ZNF746: variants seen among roughly 807,000 people sequenced by gnomAD.
ZNF746 encodes zinc finger protein 746.
A neutral mutation model predicts 41.0 loss-of-function variants in ZNF746; 13 were observed. The ratio of observed to expected loss-of-function variants is 0.32; its 90% CI spans 0.21 to 0.50. ZNF746 has a LOEUF of 0.50. Among genes scored for constraint, ZNF746 ranks in the 20% least tolerant of loss-of-function variants. The pLI, the probability that ZNF746 is intolerant of heterozygous loss-of-function variation, is 0.98. For missense variants in ZNF746, 811 were observed against 922.9 expected, an observed-to-expected ratio of 0.88 and a Z score of 1.57; for synonymous variants, 424 against 396.2, an observed-to-expected ratio of 1.07 and a Z score of -0.83.
chr7:149,492,165 C>G (rs1800828017), intron 4 of ZNF746, among the ~76,000 whole-genome samples: 1 of 152,130 alleles, frequency 6.6e-6, no homozygotes. Flanking sequence ...ACTATGCAGG[C>G]CCACTTATAA....
intron 4 of ZNF746, among the ~76,000 whole-genome samples, chr7:149,478,349 G>A (rs540396283): frequency 6.6e-6 from 1 of 152,314 alleles, no homozygotes; most frequent in South Asian, 2.1e-4. Flanking sequence ...CTGTGAGATG[G>A]GGACTAGGAA....
chr7:149,496,776 C>A, intron 1 of ZNF746: 1 of 982,452 alleles, frequency 1.0e-6, no homozygotes, highest in South Asian at 4.7e-5. Flanking sequence ...CGGAGCCCAC[C>A]GCAAGCTTCC....
rs1168324307 is a variant in ZNF746 at position 149,497,634 on chromosome 7, G to A, written c.-98C>T. On this transcript the variant is annotated 5_prime_UTR_variant, in exon 1 of 7. Coordinates refer to ENST00000458143, the MANE Select transcript of ZNF746 (RefSeq NM_001394198.1). The surrounding 1 kb of genome is among the most constrained non-coding windows in gnomAD (Gnocchi z 4.2). ...GGCCGCCCGGTGCTCTCCGCAGGCG[G>A]CGCCTGCCTGGCCTTTCCTCTGCCG... 3.2e-6 allele frequency: 3 copies of A among 927,722 alleles called. No homozygotes were observed. Among genetic ancestry groups the A allele is most frequent in the Non-Finnish European group, 3.9e-6 (3 of 772,272 alleles). The allele number at this position is 927,722 out of a possible 1,614,324, so 57.5% of individuals were successfully genotyped here. A position where few individuals can be genotyped will look rare whatever the true frequency, so the allele number is the denominator to read the frequency against.
chr7:149,494,278 C>G lies in ZNF746; in HGVS notation c.250G>C (p.Val84Leu). ...TTCCTGTTGCGCAGCAGGTTCTCCA[C>G]GTTCTCCAGCCGCCTCTGCAGCAGC... Reference protein sequence around the residue: ...YGLLQRRLENVENLLRNRNFW... With the variant: ...YGLLQRRLENLENLLRNRNFW... Residue 84 changes from valine to leucine, a missense_variant, in exon 2 of 7, where the codon GTG becomes CTG. By Grantham distance (32) the Val-to-Leu change is conservative. Coordinates refer to ENST00000458143, the MANE Select transcript of ZNF746 (RefSeq NM_001394198.1). This position sits in a 1 kb window ranked among gnomAD's most constrained non-coding sequence, Gnocchi z 5.6. 1 of 1,614,114 alleles carries G rather than the reference C, an allele frequency of 6.2e-7. No individual in the cohort carries two copies. The highest frequency in any genetic ancestry group is 1.3e-5 in the African/African-American group (1 of 75,046).
chr7:149,484,246 G>T (rs1293561021), intron 4 of ZNF746, among the ~76,000 whole-genome samples: 1 of 152,068 alleles, frequency 6.6e-6, no homozygotes, highest in Non-Finnish European at 1.5e-5. Context: ...TCTGAGAAAA[G>T]AAAATTACAA....
At chr7:149,496,048 G>C (rs1349769126) in intron 1 of ZNF746, among the ~76,000 whole-genome samples, 1 of 152,090 alleles carries the variant, frequency 6.6e-6, no homozygotes, top group Non-Finnish European at 1.5e-5. Flanking sequence ...TCCCTGTCAC[G>C]TGATCCCAGA....
At chr7:149,490,994 AG>A (rs1452656424) in intron 4 of ZNF746, 2 of 152,488 alleles carry the variant, frequency 1.3e-5, no homozygotes, top group African/African-American at 4.8e-5. Context: ...CAGTCCGAGC[AG>A]GGAACACTCA....
At chr7:149,483,310 T>C (rs571738460) in intron 4 of ZNF746, among the ~76,000 whole-genome samples, 80 of 152,274 alleles carry the variant, frequency 5.3e-4, no homozygotes, top group Middle Eastern at 3.4e-3. Context: ...TGTATGTTTA[T>C]ATTAAAAAAG....
At chr7:149,483,145 A>T (rs1800529193) in intron 4 of ZNF746, among the ~76,000 whole-genome samples, 1 of 152,218 alleles carries the variant, frequency 6.6e-6, no homozygotes. Context: ...ACATACTAAA[A>T]TTTTAAAATA....
chr7:149,477,593 G>C lies in ZNF746; in HGVS notation c.728C>G (p.Ala243Gly). 5 of 1,612,794 alleles carry C rather than the reference G, an allele frequency of 3.1e-6. No homozygotes were observed. The highest frequency in any genetic ancestry group is 4.2e-6 in the Non-Finnish European group (5 of 1,179,092). Residue 243 changes from alanine (A) to glycine (G), a missense_variant, in exon 5 of 7, where the codon GCA (alanine) becomes GGA (glycine). Ala to Gly is a moderately conservative substitution (Grantham distance 60). Transcript: ENST00000458143. ...PWGLSQLDSG[A>G]GDISTDATSG... ...GGTGGCATCCGTGGAGATGTCTCCT[G>C]CTCCGGAATCCAGCTGGCTGAGGCC...
intron 3 of ZNF746, 29 bp downstream of exon 3, chr7:149,493,960 T>G (rs751779289): frequency 2.4e-5 from 39 of 1,614,006 alleles, no homozygotes; most frequent in African/African-American, 5.3e-5. Context: ...AAAATCCCAT[T>G]TAACAGAGAA....
intron 4 of ZNF746, among the ~76,000 whole-genome samples, chr7:149,478,482 C>T (rs934531436): frequency 2.0e-5 from 3 of 152,216 alleles, no homozygotes; most frequent in African/African-American, 4.8e-5. Flanking sequence ...CCCACACGGG[C>T]AGACACCATA....
intron 4 of ZNF746, 169 bp from the exon 5 acceptor site, chr7:149,477,924 C>T: frequency 1.8e-6 from 1 of 545,210 alleles, no homozygotes. Flanking sequence ...AGGGCAGAGC[C>T]TGAGGTCACA....
chr7:149,476,856 T>C (rs1313049926), intron 6 of ZNF746, 66 bp downstream of exon 6: 26 of 1,609,768 alleles, frequency 1.6e-5, no homozygotes, highest in Non-Finnish European at 2.2e-5. Flanking sequence ...GAAAATGGGA[T>C]GCCTGGACCG....
At chr7:149,476,453 T>C (rs1031318182) in intron 6 of ZNF746, among the ~76,000 whole-genome samples, 1 of 141,690 alleles carries the variant, frequency 7.1e-6, no homozygotes, top group Non-Finnish European at 1.6e-5. Flanking sequence ...GACGTTATTA[T>C]AGTAACAGGT....
In ZNF746 at chr7:149,497,454, G is replaced by A. The variant is rs1801046753; in HGVS notation, c.24+59C>T. 1 of 1,072,690 alleles carries A rather than the reference G, an allele frequency of 9.3e-7. No individual in the cohort carries two copies. Among genetic ancestry groups the A allele is most frequent in the Non-Finnish European group, 1.1e-6 (1 of 890,404 alleles). 66.4% of individuals were successfully genotyped at this position (1,072,690 alleles called of 1,614,324 possible). A position where few individuals can be genotyped will look rare whatever the true frequency, so the allele number is the denominator to read the frequency against. On this transcript the variant is annotated intron_variant, in intron 1 of 6. Coordinates refer to ENST00000458143, the MANE Select transcript of ZNF746 (RefSeq NM_001394198.1). The surrounding 1 kb of genome is among the most constrained non-coding windows in gnomAD (Gnocchi z 4.2). The stretch of plus-strand genomic sequence containing the variant: ...CCAGGGCCTGCGGCGCCGTGTGCCG[G>A]GGCCGGGCCGCCTGGGGCCCCCAGG...
At chr7:149,493,415 A>T (rs556861270) in intron 3 of ZNF746, among the ~76,000 whole-genome samples, 1 of 152,304 alleles carries the variant, frequency 6.6e-6, no homozygotes, top group African/African-American at 2.4e-5. Context: ...CTCCGGGGTC[A>T]CACAGAAACC....
Position 149,474,439 on chromosome 7 carries a change from G to T in ZNF746, c.1928C>A (p.Thr643Asn), listed in dbSNP as rs1029464529. Residue 643 changes from threonine to asparagine, a missense_variant, in exon 7 of 7, where the codon ACC becomes AAC. Physicochemically the swap from Thr to Asn is moderately conservative, Grantham distance 65. Transcript: ENST00000458143. The surrounding 1 kb of genome is among the most constrained non-coding windows in gnomAD (Gnocchi z 6.3). Reference sequence around the variant, plus strand: ...GACGCTGAGGCCACAAGTCCAGTCGGTCACAAGGTCTGTGGAGGCCAAAGG... The same window carrying T: ...GACGCTGAGGCCACAAGTCCAGTCGTTCACAAGGTCTGTGGAGGCCAAAGG... ...KGPLASTDLV[T>N]DWTCGLSVLG... 1 of 1,611,470 alleles carries T rather than the reference G, an allele frequency of 6.2e-7. No homozygotes were observed. The highest frequency in any genetic ancestry group is 8.5e-7 in the Non-Finnish European group (1 of 1,178,936).
chr7:149,474,890 C>A lies in ZNF746; in HGVS notation c.1477G>T (p.Ala493Ser). 6.5e-7 allele frequency: 1 copy of A among 1,528,630 alleles called. No individual in the cohort carries two copies. Among genetic ancestry groups the A allele is most frequent in the Non-Finnish European group, 8.8e-7 (1 of 1,142,686 alleles). 94.7% of individuals were successfully genotyped at this position (1,528,630 alleles called of 1,614,324 possible). A position where few individuals can be genotyped will look rare whatever the true frequency, so the allele number is the denominator to read the frequency against. The change falls in exon 7 of 7, where the codon GCG becomes TCG. Residue 493 changes from alanine (A) to serine (S), a missense_variant. By Grantham distance (99) the Ala-to-Ser change is moderately conservative. Coordinates refer to ENST00000458143, the MANE Select transcript of ZNF746 (RefSeq NM_001394198.1). This position sits in a 1 kb window ranked among gnomAD's most constrained non-coding sequence, Gnocchi z 6.3. ...GTGCCCGGGCCCGACCCGTCGGGCGCCCCACAGCTGCGCTGGTGCGCGCTC... is the reference window on the plus strand; with the variant it reads ...GTGCCCGGGCCCGACCCGTCGGGCGACCCACAGCTGCGCTGGTGCGCGCTC... ...SLSAHQRSCG[A>S]PDGSGPGTGG... is the part of the protein sequence containing the mutation.
Sources: gnomAD v4.1 joint callset for allele counts (sites outside exome capture counted in the v4.1 genomes callset) on GRCh38, gnomAD v4.1.1 for gene constraint, Gnocchi (gnomAD v3.1) non-coding constraint, MANE v1.5 for transcripts, NCBI Gene and HGNC (gene_info 2026-07-23, HGNC 2026-07-21) for gene names.